TTLL5: variants seen among roughly 807,000 people sequenced by gnomAD.
TTLL5 encodes tubulin tyrosine ligase like 5, also known as tubulin polyglutamylase TTLL5.
A neutral mutation model predicts 168.4 loss-of-function variants in TTLL5; 132 were observed. The observed-to-expected ratio is 0.78, with a 90% CI of 0.68 to 0.91. The LOEUF (loss-of-function observed/expected upper bound fraction) is 0.91, where lower values mean the gene tolerates loss of function less well. Among genes scored for constraint, TTLL5 ranks in the 40% least tolerant of loss-of-function variants. TTLL5 has a pLI of 0.00. For synonymous variants in TTLL5, 546 were observed against 558.6 expected, an observed-to-expected ratio of 0.98 and a Z score of 0.32; for missense variants, 1,545 against 1,581.5, an observed-to-expected ratio of 0.98 and a Z score of 0.39.
chr14:75,745,722 C>G (rs935243237), intron 17 of TTLL5, 141 bp downstream of exon 17: 3 of 665,446 alleles, frequency 4.5e-6, no homozygotes, highest in Admixed American at 3.0e-5. Context: ...TTATCCAACC[C>G]GAGAACTAGA....
At chr14:75,787,594 C>G (rs1394388733) in intron 26 of TTLL5, among the ~76,000 whole-genome samples, 3 of 152,128 alleles carry the variant, frequency 2.0e-5, no homozygotes, top group Non-Finnish European at 4.4e-5. Flanking sequence ...TATTAATACA[C>G]TAAACAGATT....
At chr14:75,758,355 A>G (rs924334832) in intron 18 of TTLL5, among the ~76,000 whole-genome samples, 13 of 152,210 alleles carry the variant, frequency 8.5e-5, no homozygotes, top group Non-Finnish European at 1.5e-4. Flanking sequence ...TATGATTGCC[A>G]TTTAGTTAAG....
rs114023084 is a variant in TTLL5 at position 75,808,759 on chromosome 14, C to G, written c.3172-11248C>G. Among the ~76,000 whole-genome samples the G allele has an allele frequency of 9.5e-3, 1,440 of 152,156 alleles. 27 individuals are homozygous for G. The highest frequency in any genetic ancestry group is 0.033 in the African/African-American group (1,373 of 41,510). On this transcript the variant is annotated intron_variant, in intron 27 of 31. Coordinates refer to ENST00000298832, the MANE Select transcript of TTLL5 (RefSeq NM_015072.5). ...GCAGGAATCAAAGCTATGGCATGTT[C>G]AATTGATCCAGTCATATTCTTTTTT... is the stretch of plus-strand genomic sequence containing the variant.
chr14:75,820,296 C>A (rs1046806557), intron 28 of TTLL5, 135 bp downstream of exon 28: 4 of 894,166 alleles, frequency 4.5e-6, no homozygotes, highest in Non-Finnish European at 6.1e-6. Context: ...CCTCGATCCT[C>A]TGGCACCTGA....
intron 30 of TTLL5, among the ~76,000 whole-genome samples, chr14:75,884,618 T>C (rs1375801788): frequency 6.6e-6 from 1 of 152,158 alleles, no homozygotes; most frequent in Non-Finnish European, 1.5e-5. Flanking sequence ...ATAATCCAGG[T>C]ATCAAAAGGC....
At position 75,799,281 on chromosome 14, in the gene TTLL5, A is replaced by G. The variant is rs115050834; in HGVS notation, c.3171+6181A>G. Among the ~76,000 whole-genome samples, 388 of 152,288 alleles carry G rather than the reference A, an allele frequency of 2.5e-3. 2 individuals are homozygous for G. The highest frequency in any genetic ancestry group is 8.9e-3 in the African/African-American group (370 of 41,574). Reference sequence around the variant, plus strand: ...CTTTAAAGTTTGCTTTGTCTGATGTAAGAATAGCTACTTCTGCTCACTTCC... The same window carrying G: ...CTTTAAAGTTTGCTTTGTCTGATGTGAGAATAGCTACTTCTGCTCACTTCC... On this transcript the variant is annotated intron_variant, in intron 27 of 31. Transcript: ENST00000298832.
intron 31 of TTLL5, among the ~76,000 whole-genome samples, chr14:75,928,189 G>T (rs539917971): frequency 6.6e-6 from 1 of 151,680 alleles, no homozygotes; most frequent in African/African-American, 2.4e-5. Context: ...TGGCCTAGCC[G>T]CCAGGGTCAT....
intron 29 of TTLL5, among the ~76,000 whole-genome samples, chr14:75,868,569 A>G (rs1395223902): frequency 6.6e-6 from 1 of 152,174 alleles, no homozygotes; most frequent in African/African-American, 2.4e-5. Flanking sequence ...GCAGCAGCTC[A>G]TTGTTCACAT....
chr14:75,720,358 T>A (rs1887765536), intron 11 of TTLL5, among the ~76,000 whole-genome samples: 2 of 152,228 alleles, frequency 1.3e-5, no homozygotes, highest in Admixed American at 6.5e-5. Flanking sequence ...TATTCCATTA[T>A]GTGTCTGTCT....
At chr14:75,935,812 A>G (rs753628488) in intron 31 of TTLL5, among the ~76,000 whole-genome samples, 2 of 152,234 alleles carry the variant, frequency 1.3e-5, no homozygotes, top group Non-Finnish European at 2.9e-5. Context: ...CAAACCAGTA[A>G]TAGGCAGCTG....
intron 6 of TTLL5, among the ~76,000 whole-genome samples, chr14:75,695,686 T>G (rs1178338789): frequency 6.6e-6 from 1 of 152,124 alleles, no homozygotes; most frequent in Non-Finnish European, 1.5e-5. Flanking sequence ...AAAGAACCTA[T>G]GTTGAAATAT....
intron 17 of TTLL5, among the ~76,000 whole-genome samples, chr14:75,748,735 G>C (rs1421546554): frequency 6.6e-6 from 1 of 152,236 alleles, no homozygotes; most frequent in Non-Finnish European, 1.5e-5. Flanking sequence ...ATGCATAAGA[G>C]AGTCTGTTGA....
chr14:75,706,113 C>T (rs1337780752), intron 7 of TTLL5, among the ~76,000 whole-genome samples: 7 of 152,280 alleles, frequency 4.6e-5, no homozygotes, highest in Non-Finnish European at 7.4e-5. Flanking sequence ...CGATGATGGG[C>T]TCCTTTCTTC....
Position 75,707,225 on chromosome 14 carries a change from G to A in TTLL5, c.655+138G>A, listed in dbSNP as rs1238281597. On this transcript the variant is annotated intron_variant, in intron 8 of 31. Coordinates refer to ENST00000298832, the MANE Select transcript of TTLL5 (RefSeq NM_015072.5). ...ATGTGTGGCTCCAGAAAGGCAGCAG[G>A]TTCCTTACCTATCTCACGGGATTTA... The A allele has an allele frequency of 4.9e-5, 33 of 675,712 alleles. 1 individual carries two copies. The East Asian group carries it at 8.1e-4, about 17-fold the overall frequency. The allele number at this position is 675,712 out of a possible 1,614,324, so 41.9% of individuals were successfully genotyped here. A position where few individuals can be genotyped will look rare whatever the true frequency, so the allele number is the denominator to read the frequency against.
chr14:75,709,265 C>CT (rs925515179), intron 9 of TTLL5: 1 of 750,570 alleles, frequency 1.3e-6, no homozygotes, highest in Non-Finnish European at 2.4e-6. Flanking sequence ...TTATTGTACT[C>CT]TGACAACTAT....
intron 20 of TTLL5, 131 bp downstream of exon 20, chr14:75,766,499 G>A: frequency 1.1e-6 from 1 of 917,228 alleles, no homozygotes; most frequent in Non-Finnish European, 1.6e-6. Context: ...AATAATGACT[G>A]TGATTAGATA....
intron 12 of TTLL5, among the ~76,000 whole-genome samples, chr14:75,728,342 G>A (rs1274728224): frequency 1.5e-5 from 2 of 134,738 alleles, no homozygotes; most frequent in Admixed American, 1.5e-4. Flanking sequence ...GGAGACAAGA[G>A]CAAAACTCCA....
intron 30 of TTLL5, chr14:75,886,979 CTG>C: frequency 7.1e-7 from 1 of 1,410,450 alleles, no homozygotes; most frequent in Non-Finnish European, 9.2e-7. Flanking sequence ...AGAAAGAAAA[CTG>C]TTTAAGAAAC....
At position 75,793,120 on chromosome 14, in the gene TTLL5, T is replaced by G. The variant is rs1595050928; in HGVS notation, c.3171+20T>G. On this transcript the variant is annotated intron_variant, in intron 27 of 31. Transcript: ENST00000298832. Reference sequence around the variant, plus strand: ...CAACAGGTACGGATGGTCTGGGGTGTCCAAGAGCTCTTTGGACCTGAGGAT... The same window carrying G: ...CAACAGGTACGGATGGTCTGGGGTGGCCAAGAGCTCTTTGGACCTGAGGAT... The G allele has an allele frequency of 1.3e-6, 2 of 1,553,192 alleles. No homozygotes were observed. Among genetic ancestry groups the G allele is most frequent in the South Asian group, 2.5e-5 (2 of 80,820 alleles).
Sources: allele counts gnomAD v4.1 joint callset (sites outside exome capture counted in the v4.1 genomes callset), GRCh38; gene constraint gnomAD v4.1.1; transcripts MANE v1.5; gene names NCBI Gene and HGNC (gene_info 2026-07-23, HGNC 2026-07-21).